ASPM: variants seen among roughly 807,000 people sequenced by gnomAD.
ASPM encodes assembly factor for spindle microtubules, also known as abnormal spindle-like microcephaly-associated protein.
In ASPM, 256 loss-of-function variants were observed where a neutral mutation model predicts 366.4. The ratio of observed to expected loss-of-function variants is 0.70; its 90% CI spans 0.63 to 0.77. The LOEUF (loss-of-function observed/expected upper bound fraction) is 0.77. Ranked by LOEUF, ASPM falls within the 30% of genes least tolerant of loss-of-function variation. The pLI is 0.00. For missense variants in ASPM, 4,146 were observed against 4,090.4 expected, an observed-to-expected ratio of 1.01 and a Z score of -0.37; for synonymous variants, 1,414 against 1,342.9, an observed-to-expected ratio of 1.05 and a Z score of -1.16.
chr1:197,121,719 T>C (rs562825534), intron 16 of ASPM, among the ~76,000 whole-genome samples, 196 bp downstream of exon 16: 1 of 152,238 alleles, frequency 6.6e-6, no homozygotes, highest in East Asian at 1.9e-4. Flanking sequence ...GACTGGAAGA[T>C]ACATCAAATG....
At position 197,090,388 on chromosome 1, in the gene ASPM, C is replaced by A. The variant is rs768345856; in HGVS notation, c.9637G>T (p.Ala3213Ser). 6.2e-7 allele frequency: 1 copy of A among 1,600,778 alleles called. No homozygotes were observed. The highest frequency in any genetic ancestry group is 1.3e-5 in the African/African-American group (1 of 74,476). Residue 3213 changes from alanine to serine, a missense_variant and splice_region_variant, in exon 24 of 28, where the codon GCA becomes TCA. This residue lies in a region of ASPM where 3,624 missense variants were observed against 3,591.7 expected (regional missense o/e 1.01). Coordinates refer to ENST00000367409, the MANE Select transcript of ASPM (RefSeq NM_018136.5). ...KFTSGIIKIQALWRGYSWRKK... is the reference protein window; with the variant it reads ...KFTSGIIKIQSLWRGYSWRKK... ...CTCCAAGAATAGCCTCTCCATAATGCCTTAAAGAGATAAAACAGAGTAATT... is the reference window on the plus strand; with the variant it reads ...CTCCAAGAATAGCCTCTCCATAATGACTTAAAGAGATAAAACAGAGTAATT...
rs545350240 is a variant in ASPM at position 197,102,243 on chromosome 1, C to T, written c.7008G>A (p.Arg2336=). The T allele has an allele frequency of 6.2e-7, 1 of 1,612,780 alleles. No homozygotes were observed. Among genetic ancestry groups the T allele is most frequent in the Admixed American group, 1.7e-5 (1 of 59,784 alleles). ...AAGTAGACTGGATGAAAGTAGCAGCCCTGTGCATCTCTCGCATCCTTTTCC... is the reference window on the plus strand; with the variant it reads ...AAGTAGACTGGATGAAAGTAGCAGCTCTGTGCATCTCTCGCATCCTTTTCC... ...MIRKRMREMH[R]AATFIQSTFR... Residue 2336 remains arginine (R), a synonymous_variant, in exon 18 of 28, where the codon AGG becomes AGA. Coordinates refer to ENST00000367409, the MANE Select transcript of ASPM (RefSeq NM_018136.5).
intron 27 of ASPM, among the ~76,000 whole-genome samples, chr1:197,085,345 T>C (rs999823323): frequency 6.6e-6 from 1 of 152,142 alleles, no homozygotes; most frequent in East Asian, 1.9e-4. Flanking sequence ...CTTTTCAAAC[T>C]TCCCCTCCAT....
chr1:197,107,980 C>T (rs1015011379), intron 17 of ASPM, among the ~76,000 whole-genome samples: 7 of 152,036 alleles, frequency 4.6e-5, no homozygotes, highest in Non-Finnish European at 1.0e-4. Flanking sequence ...ATTTGGCCTG[C>T]AGATATACCA....
chr1:197,130,595 A>C (rs1658227337), intron 7 of ASPM, among the ~76,000 whole-genome samples: 1 of 152,188 alleles, frequency 6.6e-6, no homozygotes, highest in Non-Finnish European at 1.5e-5. Flanking sequence ...AAAAAATATC[A>C]AATTCTGCAA....
intron 17 of ASPM, among the ~76,000 whole-genome samples, chr1:197,105,916 C>A (rs1657394165): frequency 6.6e-6 from 1 of 151,928 alleles, no homozygotes; most frequent in African/African-American, 2.4e-5. Context: ...CTAAAATGGT[C>A]CCAGGCTAAT....
chr1:197,132,237 G>A (rs776822695), intron 7 of ASPM, 48 bp downstream of exon 7: 15 of 1,397,416 alleles, frequency 1.1e-5, no homozygotes, highest in Non-Finnish European at 2.9e-6. Flanking sequence ...TCTACAAAAA[G>A]TATATAATAA....
At chr1:197,087,128 G>A (rs1249517945) in intron 26 of ASPM, among the ~76,000 whole-genome samples, 156 bp from the exon 27 acceptor site, 2 of 151,488 alleles carry the variant, frequency 1.3e-5, no homozygotes, top group African/African-American at 4.9e-5. Context: ...AGGCTGAAGT[G>A]CAGTGGTGCG....
chr1:197,132,851 T>C (rs866071922), intron 6 of ASPM, among the ~76,000 whole-genome samples: 3 of 151,982 alleles, frequency 2.0e-5, no homozygotes, highest in South Asian at 4.2e-4. Flanking sequence ...TGGAGGATAT[T>C]ATGCAAACTG....
chr1:197,101,318 GATA>G lies in ASPM; in HGVS notation c.7930_7932del (p.Tyr2644del). ...GAAACTACTGTTGCTCTAAGGTGGA[GATA>G]ATGCTTCCTTATTTTAAAGGCTTTA... On this transcript the variant is annotated inframe_deletion, in exon 18 of 28. Transcript: ENST00000367409. 2 of 1,611,552 alleles carry G rather than the reference GATA, an allele frequency of 1.2e-6. No homozygotes were observed. The highest frequency in any genetic ancestry group is 1.7e-6 in the Non-Finnish European group (2 of 1,178,854).
rs886045761 is a variant in ASPM at position 197,089,982 on chromosome 1, G to A, written c.9932C>T (p.Pro3311Leu). Residue 3311 changes from proline (P) to leucine (L), a missense_variant, in exon 25 of 28, where the codon CCT becomes CTT. Physicochemically the swap from Pro to Leu is moderately conservative, Grantham distance 98. Transcript: ENST00000367409. ...VLIRSCNRSIPCMEVIRYAVQ... is the reference protein window; with the variant it reads ...VLIRSCNRSILCMEVIRYAVQ... ...AGCATATCTGATGACTTCCATACAA[G>A]GAATACTGCGATTACAACTTCGGAT... 1.9e-5 allele frequency: 31 copies of A among 1,613,196 alleles called. No homozygotes were observed. Among genetic ancestry groups the A allele is most frequent in the Non-Finnish European group, 2.4e-5 (28 of 1,179,528 alleles).
Position 197,129,999 on chromosome 1 carries a change from T to C in ASPM, c.2545A>G (p.Met849Val), listed in dbSNP as rs1052202393. ...CAAAGTAGGCGATTCAGAATAAACA[T>C]AGCCAACCCTGTGACATCACTGTTA... ...EDNSDVTGLA[M>V]FILNRLLWNP... The change falls in exon 8 of 28, where the codon ATG (methionine) becomes GTG (valine). Residue 849 changes from methionine (M) to valine (V), a missense_variant. This residue lies in a region of ASPM where 3,624 missense variants were observed against 3,591.7 expected (regional missense o/e 1.01). Transcript: ENST00000367409. The C allele has an allele frequency of 5.0e-6, 8 of 1,613,992 alleles. No individual in the cohort carries two copies. The highest frequency in any genetic ancestry group is 6.8e-6 in the Non-Finnish European group (8 of 1,179,928).
chr1:197,113,120 A>G (rs994871586), intron 17 of ASPM, among the ~76,000 whole-genome samples: 1 of 152,172 alleles, frequency 6.6e-6, no homozygotes, highest in African/African-American at 2.4e-5. Flanking sequence ...GGAACAGAAA[A>G]CCAAATATTA....
intron 5 of ASPM, 130 bp downstream of exon 5, chr1:197,134,966 T>A: frequency 1.3e-6 from 1 of 770,226 alleles, no homozygotes; most frequent in Non-Finnish European, 2.1e-6. Context: ...TATACAAGCA[T>A]TTAGGCTAAT....
chr1:197,090,382 A>C lies in ASPM; in HGVS notation c.9643T>G (p.Trp3215Gly). 1 of 1,605,682 alleles carries C rather than the reference A, an allele frequency of 6.2e-7. No homozygotes were observed. Residue 3215 changes from tryptophan (W) to glycine (G), a missense_variant, in exon 24 of 28, where the codon TGG becomes GGG. Trp to Gly is a radical substitution (Grantham distance 184, BLOSUM62 -2). This residue lies in a region of ASPM where 3,624 missense variants were observed against 3,591.7 expected (regional missense o/e 1.01). Coordinates refer to ENST00000367409, the MANE Select transcript of ASPM (RefSeq NM_018136.5). ...TTCTTCCTCCAAGAATAGCCTCTCC[A>C]TAATGCCTTAAAGAGATAAAACAGA... ...TSGIIKIQAL[W>G]RGYSWRKKND... is the part of the protein sequence containing the mutation.
At chr1:197,113,683 T>C (rs1244802604) in intron 17 of ASPM, among the ~76,000 whole-genome samples, 5 of 152,064 alleles carry the variant, frequency 3.3e-5, no homozygotes, top group Admixed American at 6.6e-5. Flanking sequence ...TAGTAAGATA[T>C]AAAACAGTAA....
At chr1:197,126,166 C>T (rs906282772) in intron 10 of ASPM, among the ~76,000 whole-genome samples, 1 of 152,104 alleles carries the variant, frequency 6.6e-6, no homozygotes. Context: ...TCTGGCCAGC[C>T]GCGGTGGCTC....
At position 197,086,855 on chromosome 1, in the gene ASPM, TAGA is replaced by T. The variant is rs749859136; in HGVS notation, c.10276_10278del (p.Ser3426del). 39 of 1,612,106 alleles carry T rather than the reference TAGA, an allele frequency of 2.4e-5. No homozygotes were observed. The highest frequency in any genetic ancestry group is 1.7e-4 in the Middle Eastern group (1 of 5,952). On this transcript the variant is annotated inframe_deletion, in exon 27 of 28. Transcript: ENST00000367409. ...GTTTCTGGGATAAAAGGAATGCTTA[TAGA>T]AGAATTCTTCTTTTGCTTGTAAAGT...
At position 197,088,188 on chromosome 1, in the gene ASPM, C is replaced by G. The variant is rs1357992944; in HGVS notation, c.10161+68G>C. ...TAGAGTGATAATTACTAAAGGAAAA[C>G]TATAAAAGTCATAGACTTAAGACCA... On this transcript the variant is annotated intron_variant, in intron 26 of 27. Transcript: ENST00000367409. 2.6e-6 allele frequency: 4 copies of G among 1,532,530 alleles called. No homozygotes were observed. In the African/African-American group the frequency reaches 4.2e-5, roughly 16 times the overall value. The allele number at this position is 1,532,530 out of a possible 1,614,324, so 94.9% of individuals were successfully genotyped here. A position where few individuals can be genotyped will look rare whatever the true frequency, so the allele number is the denominator to read the frequency against.
Sources: gnomAD v4.1 joint callset for allele counts (sites outside exome capture counted in the v4.1 genomes callset) on GRCh38, gnomAD v4.1.1 for gene constraint, gnomAD v4.1.1 regional missense constraint, MANE v1.5 for transcripts, NCBI Gene and HGNC (gene_info 2026-07-23, HGNC 2026-07-21) for gene names.